The following CHODL variants were observed in gnomAD, a reference collection of about 807,000 sequenced individuals.
The protein encoded by CHODL is transmembrane protein MT75.
CHODL carries 29 observed loss-of-function variants against 34.5 expected under a neutral mutation model. That is an observed-to-expected ratio of 0.84 (90% confidence interval 0.63 to 1.15). The LOEUF (loss-of-function observed/expected upper bound fraction) is 1.15, where lower values mean the gene tolerates loss of function less well. Ranked by LOEUF, CHODL falls within the 50% of genes most tolerant of loss-of-function variation. The pLI is 0.00. For missense variants in CHODL, 332 were observed against 332.5 expected (o/e 1.00, Z 0.01); for synonymous variants, 125 against 116.1 (o/e 1.08, Z -0.49).
intron 2 of CHODL, among the ~76,000 whole-genome samples, chr21:18,102,966 T>C (rs969579): frequency 0.47 from 71,488 of 152,014 alleles, 17,592 homozygotes; most frequent in African/African-American, 0.53. Flanking sequence ...AACACTAATC[T>C]CTCTTCTGGA....
intron 2 of CHODL, among the ~76,000 whole-genome samples, chr21:18,182,653 A>T (rs76872395): frequency 2.0e-5 from 3 of 152,236 alleles, no homozygotes; most frequent in Non-Finnish European, 4.4e-5. Flanking sequence ...GGAAAGATGT[A>T]AAAATTCTAT....
chr21:18,262,548 G>A (rs1012461839), intron 4 of CHODL, among the ~76,000 whole-genome samples: 1 of 152,086 alleles, frequency 6.6e-6, no homozygotes, highest in Non-Finnish European at 1.5e-5. Context: ...CCTATGTAGG[G>A]CAGCTCCATT....
At chr21:18,061,246 A>G (rs1450058157) in intron 2 of CHODL, among the ~76,000 whole-genome samples, 2 of 152,234 alleles carry the variant, frequency 1.3e-5, no homozygotes, top group Non-Finnish European at 2.9e-5. Flanking sequence ...GTGGAAATCC[A>G]TGGTTCAGAC....
At chr21:18,142,259 G>C (rs116775469) in intron 2 of CHODL, among the ~76,000 whole-genome samples, 6,968 of 152,100 alleles carry the variant, frequency 0.046, 480 homozygotes, top group African/African-American at 0.16. Context: ...GCTCATTCAT[G>C]AGAAAAATGT....
chr21:18,041,172 TTTG>T (rs896580497), intron 2 of CHODL, among the ~76,000 whole-genome samples: 4 of 151,896 alleles, frequency 2.6e-5, no homozygotes, highest in African/African-American at 9.7e-5. Context: ...ATTTTGTTCA[TTTG>T]TTATCGGTGT....
Position 18,256,505 on chromosome 21 carries a change from T to C in CHODL, c.80-4T>C. ...ATATATGGGCATCTTTTTTTTTTTTTCAGGCCAAAAGGTGTGTTTTGCTGA... is the reference window on the plus strand; with the variant it reads ...ATATATGGGCATCTTTTTTTTTTTTCCAGGCCAAAAGGTGTGTTTTGCTGA... On this transcript the variant is annotated splice_region_variant and splice_polypyrimidine_tract_variant and intron_variant, in intron 1 of 5. Coordinates refer to ENST00000299295, the MANE Select transcript of CHODL (RefSeq NM_024944.3). 1 of 1,575,768 alleles carries C rather than the reference T, an allele frequency of 6.3e-7. No individual in the cohort carries two copies. The highest frequency in any genetic ancestry group is 1.2e-5 in the South Asian group (1 of 85,532).
chr21:18,070,397 A>G (rs2064789077), intron 2 of CHODL, among the ~76,000 whole-genome samples: 1 of 152,026 alleles, frequency 6.6e-6, no homozygotes, highest in Non-Finnish European at 1.5e-5. Context: ...GAGGGATTTC[A>G]CAAAATTCAC....
chr21:18,007,115 G>A (rs1162378353), intron 1 of CHODL, among the ~76,000 whole-genome samples: 2 of 151,984 alleles, frequency 1.3e-5, no homozygotes, highest in African/African-American at 2.4e-5. Context: ...AATACGTGTG[G>A]AATTGAATTT....
intron 1 of CHODL, among the ~76,000 whole-genome samples, chr21:18,009,536 A>T (rs113877574): frequency 0.017 from 2,661 of 152,280 alleles, 65 homozygotes; most frequent in Middle Eastern, 0.051. Context: ...GTTAAAAAGA[A>T]TCTATAATTT....
At chr21:18,157,592 A>G in intron 2 of CHODL, among the ~76,000 whole-genome samples, 1 of 152,228 alleles carries the variant, frequency 6.6e-6, no homozygotes, top group East Asian at 1.9e-4. Flanking sequence ...CTTTAGGCAG[A>G]TGTTCTCATT....
chr21:18,100,802 C>T (rs1030548758), intron 2 of CHODL, among the ~76,000 whole-genome samples: 15 of 152,206 alleles, frequency 9.9e-5, no homozygotes, highest in African/African-American at 3.4e-4. Context: ...TTCAAATGAT[C>T]TGTGAGAGTA....
intron 2 of CHODL, among the ~76,000 whole-genome samples, chr21:18,054,124 A>G (rs1452571603): frequency 2.0e-5 from 3 of 151,892 alleles, no homozygotes; most frequent in African/African-American, 2.4e-5. Context: ...TCAGAATTGC[A>G]GTAATTCTGC....
chr21:18,256,456 T>G, intron 1 of CHODL, 53 bp from the exon 2 acceptor site: 1 of 1,484,264 alleles, frequency 6.7e-7, no homozygotes, highest in Non-Finnish European at 9.1e-7. Context: ...CTTAGTGTTG[T>G]TACAAATAGA....
At chr21:17,963,466 A>G (rs2063548459) in intron 1 of CHODL, among the ~76,000 whole-genome samples, 1 of 152,210 alleles carries the variant, frequency 6.6e-6, no homozygotes, top group Non-Finnish European at 1.5e-5. Flanking sequence ...GAAGGTGAAG[A>G]GGGGCAAAGG....
intron 1 of CHODL, among the ~76,000 whole-genome samples, chr21:17,977,100 C>CT (rs1308581793): frequency 1.3e-5 from 2 of 152,108 alleles, no homozygotes; most frequent in Non-Finnish European, 2.9e-5. Flanking sequence ...TTCCTACGTG[C>CT]TTTTATATTT....
intron 2 of CHODL, among the ~76,000 whole-genome samples, chr21:18,076,409 G>C (rs1203873431): frequency 6.6e-6 from 1 of 152,214 alleles, no homozygotes; most frequent in Non-Finnish European, 1.5e-5. Flanking sequence ...GATAGAACTT[G>C]TGTAAGATGA....
intron 2 of CHODL, among the ~76,000 whole-genome samples, chr21:18,117,543 C>T (rs902470593): frequency 2.6e-5 from 4 of 152,040 alleles, no homozygotes; most frequent in Admixed American, 2.0e-4. Flanking sequence ...GTATTTTACT[C>T]ATTCATAAAA....
chr21:18,091,822 G>A (rs1468496433), intron 2 of CHODL, among the ~76,000 whole-genome samples: 1 of 152,190 alleles, frequency 6.6e-6, no homozygotes, highest in Admixed American at 6.5e-5. Flanking sequence ...AATGCCCCGT[G>A]GACCAGTAGT....
chr21:17,984,224 T>A (rs1442614349), intron 1 of CHODL, among the ~76,000 whole-genome samples: 1 of 152,188 alleles, frequency 6.6e-6, no homozygotes, highest in African/African-American at 2.4e-5. Context: ...TTGTCAGTTT[T>A]AAGGCTGAAT....
Sources: allele counts gnomAD v4.1 joint callset (sites outside exome capture counted in the v4.1 genomes callset), GRCh38; gene constraint gnomAD v4.1.1; transcripts MANE v1.5; gene names NCBI Gene and HGNC (gene_info 2026-07-23, HGNC 2026-07-21).